RBFOX1: variants seen among roughly 807,000 people sequenced by gnomAD.
RBFOX1 encodes the protein RNA binding fox-1 homolog 1, also known as RNA binding protein fox-1 homolog 1.
RBFOX1 carries 8 observed loss-of-function variants against 57.7 expected under a neutral mutation model. The ratio of observed to expected loss-of-function variants is 0.14; its 90% CI spans 0.08 to 0.25. RBFOX1 has a LOEUF of 0.25. Ranked by LOEUF, RBFOX1 falls within the 10% of genes least tolerant of loss-of-function variation. RBFOX1 has a pLI of 1.00. For synonymous variants in RBFOX1, 326 were observed against 222.4 expected (o/e 1.47, Z -4.15); for missense variants, 611 against 548.5 (o/e 1.11, Z -1.14).
At chr16:7,168,511 C>T (rs1251506318) in intron 4 of RBFOX1, among the ~76,000 whole-genome samples, 6 of 152,134 alleles carry the variant, frequency 3.9e-5, no homozygotes. Context: ...TCATTTGGCT[C>T]ATACTGGTAC....
intron 1 of RBFOX1, among the ~76,000 whole-genome samples, chr16:6,080,976 T>G (rs1161097079): frequency 1.3e-5 from 2 of 152,216 alleles, no homozygotes; most frequent in African/African-American, 4.8e-5. Context: ...TACCACCAAT[T>G]TGAAGACTGT....
intron 2 of RBFOX1, among the ~76,000 whole-genome samples, chr16:6,565,823 G>A (rs2097257647): frequency 6.6e-6 from 1 of 152,212 alleles, no homozygotes. Context: ...GAGCTGGAAG[G>A]ATTAGCAGCT....
chr16:7,133,053 T>C (rs1193699723), intron 4 of RBFOX1, among the ~76,000 whole-genome samples: 1 of 152,204 alleles, frequency 6.6e-6, no homozygotes, highest in East Asian at 1.9e-4. Context: ...TGGTATTTTC[T>C]TGCGTTTCAG....
At chr16:5,565,929 A>C (rs571841719) in intron 2 of RBFOX1, among the ~76,000 whole-genome samples, 120 of 151,998 alleles carry the variant, frequency 7.9e-4, no homozygotes, top group African/African-American at 2.7e-3. Context: ...CCGGTGGGAG[A>C]TAATTGAAGC....
intron 3 of RBFOX1, among the ~76,000 whole-genome samples, chr16:6,769,712 T>A (rs1203226999): frequency 6.6e-6 from 1 of 152,214 alleles, no homozygotes. Context: ...GATAAGCTTC[T>A]GTGGCTTGAT....
chr16:5,868,427 A>G (rs1373549656), intron 4 of RBFOX1, among the ~76,000 whole-genome samples: 1 of 152,224 alleles, frequency 6.6e-6, no homozygotes, highest in Non-Finnish European at 1.5e-5. Flanking sequence ...TTCCTCAGGT[A>G]TACCATGGGG....
chr16:6,399,809 C>G (rs2092995740), intron 2 of RBFOX1, among the ~76,000 whole-genome samples: 1 of 152,200 alleles, frequency 6.6e-6, no homozygotes, highest in Admixed American at 6.5e-5. Context: ...TTCCACATGG[C>G]TAAGGAGGCC....
At chr16:7,345,445 T>A (rs1475801188) in intron 4 of RBFOX1, among the ~76,000 whole-genome samples, 4 of 152,170 alleles carry the variant, frequency 2.6e-5, no homozygotes, top group African/African-American at 9.6e-5. Flanking sequence ...TGGTGGGGGC[T>A]TAAGGATTCT....
At chr16:6,567,554 T>C (rs866630779) in intron 2 of RBFOX1, among the ~76,000 whole-genome samples, 8 of 152,146 alleles carry the variant, frequency 5.3e-5, no homozygotes, top group South Asian at 2.1e-4. Flanking sequence ...TACTATTTCA[T>C]TGTGTTTCTT....
chr16:5,410,371 CAA>C (rs34771883), intron 1 of RBFOX1, among the ~76,000 whole-genome samples: 77,688 of 145,446 alleles, frequency 0.53, 20,261 homozygotes, highest in African/African-American at 0.56. Context: ...GACCCTGTCT[CAA>C]AAAAAAAAAA....
intron 4 of RBFOX1, among the ~76,000 whole-genome samples, chr16:5,953,704 T>TTTTA (rs1555455346): frequency 3.6e-5 from 5 of 138,688 alleles, no homozygotes; most frequent in Non-Finnish European, 6.1e-5. Context: ...GTCTTCTGTC[T>TTTTA]TATATATATA....
intron 1 of RBFOX1, among the ~76,000 whole-genome samples, chr16:5,340,947 C>T (rs1014499027): frequency 7.2e-5 from 11 of 151,960 alleles, no homozygotes; most frequent in African/African-American, 1.9e-4. Context: ...AAAAGGGGTT[C>T]GGGGAAGTCT....
intron 4 of RBFOX1, among the ~76,000 whole-genome samples, chr16:7,437,547 C>T (rs948852576): frequency 6.6e-5 from 10 of 152,070 alleles, no homozygotes; most frequent in Admixed American, 4.6e-4. Flanking sequence ...AACATGGGAA[C>T]GGAAACTCAG....
chr16:5,431,636 G>C (rs1373406806), intron 1 of RBFOX1, among the ~76,000 whole-genome samples: 1 of 152,156 alleles, frequency 6.6e-6, no homozygotes, highest in African/African-American at 2.4e-5. Flanking sequence ...GCCTCCCAAA[G>C]TGCTGGGGTT....
chr16:5,290,959 C>A (rs2063519757), intron 1 of RBFOX1, among the ~76,000 whole-genome samples: 1 of 152,158 alleles, frequency 6.6e-6, no homozygotes, highest in African/African-American at 2.4e-5. Flanking sequence ...CTCAGCTTCG[C>A]AAAGTACTGG....
intron 4 of RBFOX1, among the ~76,000 whole-genome samples, chr16:6,010,030 T>C (rs1040978265): frequency 2.0e-5 from 3 of 152,134 alleles, no homozygotes; most frequent in Admixed American, 2.0e-4. Flanking sequence ...ACTGGGGTTT[T>C]TCTTTCTTAT....
At chr16:7,262,487 T>C (rs2094956572) in intron 4 of RBFOX1, among the ~76,000 whole-genome samples, 1 of 152,288 alleles carries the variant, frequency 6.6e-6, no homozygotes, top group South Asian at 2.1e-4. Flanking sequence ...TATTAAAATT[T>C]AGGAGATCAG....
At chr16:7,256,632 C>A (rs1168737353) in intron 4 of RBFOX1, among the ~76,000 whole-genome samples, 1 of 152,142 alleles carries the variant, frequency 6.6e-6, no homozygotes, top group Non-Finnish European at 1.5e-5. Context: ...AAAGTCATAT[C>A]TAAAATTTCT....
intron 1 of RBFOX1, among the ~76,000 whole-genome samples, chr16:6,033,822 C>G (rs1167759871): frequency 6.6e-6 from 1 of 152,178 alleles, no homozygotes; most frequent in Non-Finnish European, 1.5e-5. Context: ...AGGAAACATG[C>G]CTTTCATTTT....
Sources: gnomAD v4.1 joint callset for allele counts (sites outside exome capture counted in the v4.1 genomes callset) on GRCh38, gnomAD v4.1.1 for gene constraint, MANE v1.5 for transcripts, NCBI Gene and HGNC (gene_info 2026-07-23, HGNC 2026-07-21) for gene names.